Variants in SOS1 observed in about 807,000 individuals in gnomAD.
SOS1 encodes the protein son of sevenless homolog 1.
SOS1 carries 25 observed loss-of-function variants against 157.6 expected under a neutral mutation model. The ratio of observed to expected loss-of-function variants is 0.16; its 90% CI spans 0.12 to 0.22. The LOEUF (loss-of-function observed/expected upper bound fraction) is 0.22, where lower values mean the gene tolerates loss of function less well. SOS1 is among the 10% of genes least tolerant of loss of function. The pLI is 1.00. For missense variants in SOS1, 1,237 were observed against 1,599.1 expected (o/e 0.77, Z 3.86); for synonymous variants, 528 against 534.0 (o/e 0.99, Z 0.16).
chr2:39,120,326 T>C lies in SOS1; in HGVS notation c.87+10A>G, dbSNP rs747970732. 2.0e-5 allele frequency: 31 copies of C among 1,570,614 alleles called. No individual in the cohort carries two copies. The highest frequency in any genetic ancestry group is 2.2e-5 in the Non-Finnish European group (26 of 1,158,588). ...TGCGGCCGGGAAGCGGGGTCCCGCG[T>C]GCTCCTCACCTTTTTCAGCGCAGGC... is the stretch of plus-strand genomic sequence containing the variant. On this transcript the variant is annotated intron_variant, in intron 1 of 22. Transcript: ENST00000402219.
At chr2:39,061,285 G>A (rs188816933) in intron 2 of SOS1, among the ~76,000 whole-genome samples, 1 of 149,936 alleles carries the variant, frequency 6.7e-6, no homozygotes, top group Non-Finnish European at 1.5e-5. Flanking sequence ...TTTTGAATGT[G>A]GAGAGGCCAT....
intron 21 of SOS1, chr2:38,987,811 G>A: frequency 2.0e-6 from 1 of 499,968 alleles, no homozygotes; most frequent in Admixed American, 3.3e-5. Context: ...AGCTGCCTAA[G>A]GTATTCTGTT....
intron 10 of SOS1, among the ~76,000 whole-genome samples, chr2:39,019,202 G>A (rs542258026): frequency 3.3e-5 from 5 of 151,632 alleles, no homozygotes; most frequent in Non-Finnish European, 7.4e-5. Flanking sequence ...AATATGCAAA[G>A]CTTTTATTTC....
chr2:39,086,361 A>G (rs1672369533), intron 1 of SOS1, among the ~76,000 whole-genome samples: 1 of 152,214 alleles, frequency 6.6e-6, no homozygotes, highest in Non-Finnish European at 1.5e-5. Context: ...AGGTGCATAT[A>G]CTAGGATAAG....
At chr2:39,070,732 T>A (rs1267415395) in intron 1 of SOS1, among the ~76,000 whole-genome samples, 2 of 152,170 alleles carry the variant, frequency 1.3e-5, no homozygotes, top group African/African-American at 4.8e-5. Context: ...TCCTAGAAAA[T>A]GTAGCTATAA....
At chr2:39,005,032 C>T (rs1669238408) in intron 17 of SOS1, among the ~76,000 whole-genome samples, 1 of 152,134 alleles carries the variant, frequency 6.6e-6, no homozygotes, top group Admixed American at 6.6e-5. Context: ...GTATAGTAGT[C>T]CCTCCCTTAT....
At chr2:39,023,687 A>G (rs1669871605) in intron 9 of SOS1, 1 of 300,194 alleles carries the variant, frequency 3.3e-6, no homozygotes, top group Middle Eastern at 1.1e-3. Context: ...AATCCCTAAA[A>G]TAAAGGACAC....
chr2:39,087,876 GC>G (rs1353186804), intron 1 of SOS1, among the ~76,000 whole-genome samples: 1 of 151,808 alleles, frequency 6.6e-6, no homozygotes, highest in Non-Finnish European at 1.5e-5. Flanking sequence ...ATGGGGCTTA[GC>G]CACATTGCCC....
At chr2:39,028,973 A>T (rs1319644193) in intron 8 of SOS1, among the ~76,000 whole-genome samples, 2 of 152,236 alleles carry the variant, frequency 1.3e-5, no homozygotes, top group Admixed American at 1.3e-4. Context: ...CAAATGTATG[A>T]AATATTATCC....
At chr2:39,007,816 TACACACAA>T (rs1206539521) in intron 15 of SOS1, among the ~76,000 whole-genome samples, 1 of 151,620 alleles carries the variant, frequency 6.6e-6, no homozygotes, top group Admixed American at 6.6e-5. Context: ...AAAACACACA[TACACACAA>T]ACACACACAT....
At chr2:39,003,066 C>CAAAACA (rs1553352633) in intron 17 of SOS1, among the ~76,000 whole-genome samples, 1 of 72,314 alleles carries the variant, frequency 1.4e-5, no homozygotes, top group African/African-American at 4.0e-5. Context: ...GACCTTGTAT[C>CAAAACA]AAAAAAAAAA....
At chr2:39,033,394 T>C (rs933221600) in intron 8 of SOS1, among the ~76,000 whole-genome samples, 4 of 152,176 alleles carry the variant, frequency 2.6e-5, no homozygotes, top group African/African-American at 9.7e-5. Flanking sequence ...TAAAATTCTA[T>C]TAATGTAAGT....
At chr2:39,009,940 A>G (rs958868402) in intron 15 of SOS1, among the ~76,000 whole-genome samples, 3 of 152,240 alleles carry the variant, frequency 2.0e-5, no homozygotes, top group African/African-American at 4.8e-5. Context: ...AATATTTTCT[A>G]ATGACAAATA....
chr2:39,026,221 G>A (rs1450519572), intron 8 of SOS1, among the ~76,000 whole-genome samples: 1 of 152,058 alleles, frequency 6.6e-6, no homozygotes, highest in African/African-American at 2.4e-5. Flanking sequence ...TGGGTGTGGT[G>A]GCACACGCCT....
intron 1 of SOS1, among the ~76,000 whole-genome samples, chr2:39,083,833 A>T (rs1672287058): frequency 6.6e-6 from 1 of 152,240 alleles, no homozygotes; most frequent in African/African-American, 2.4e-5. Flanking sequence ...GGTTGGATAC[A>T]CTGTGGAATA....
Position 38,984,579 on chromosome 2 carries a change from A to ATTCT in SOS1, c.*1241_*1244dup, listed in dbSNP as rs996440764. On this transcript the variant is annotated 3_prime_UTR_variant, in exon 23 of 23. Transcript: ENST00000402219. ...ATATGCCAAGCTGTGACTTTAGATC[A>ATTCT]TTCTTTAAGATTAATACATATATCC... 2.6e-5 allele frequency: 4 copies of ATTCT among 152,178 alleles called. No homozygotes were observed. The highest frequency in any genetic ancestry group is 9.7e-5 in the African/African-American group (4 of 41,442). The allele number at this position is 152,178 out of a possible 1,614,324, so 9.4% of individuals were successfully genotyped here.
intron 1 of SOS1, among the ~76,000 whole-genome samples, chr2:39,113,904 T>A (rs1207011499): frequency 6.6e-6 from 1 of 152,160 alleles, no homozygotes; most frequent in Non-Finnish European, 1.5e-5. Context: ...TAGAAAAAAA[T>A]AATCTGAGCA....
rs186686551 is a variant in SOS1 at position 39,040,161 on chromosome 2, G to A, written c.865-4661C>T. Among the ~76,000 whole-genome samples the A allele has an allele frequency of 6.3e-3, 954 of 151,792 alleles. 10 individuals are homozygous for A. Among genetic ancestry groups the A allele is most frequent in the African/African-American group, 0.022 (913 of 41,352 alleles). The stretch of plus-strand genomic sequence containing the variant: ...CGAGTAGCTGGGACTACAAGCGCCC[G>A]CCACTACACCCGGCTAATTTTTTTT... On this transcript the variant is annotated intron_variant, in intron 6 of 22. Coordinates refer to ENST00000402219, the MANE Select transcript of SOS1 (RefSeq NM_005633.4).
intron 1 of SOS1, among the ~76,000 whole-genome samples, chr2:39,116,207 C>G (rs934938997): frequency 2.6e-5 from 4 of 152,036 alleles, no homozygotes; most frequent in Admixed American, 2.0e-4. Flanking sequence ...TCAACATTTC[C>G]AAAAATCATC....
Sources: gnomAD v4.1 joint callset for allele counts (sites outside exome capture counted in the v4.1 genomes callset) on GRCh38, gnomAD v4.1.1 for gene constraint, MANE v1.5 for transcripts, NCBI Gene and HGNC (gene_info 2026-07-23, HGNC 2026-07-21) for gene names.